The following RAI2 variants were observed in gnomAD, a reference collection of about 807,000 sequenced individuals.
RAI2 encodes the protein retinoic acid induced 2.
A neutral mutation model predicts 15.3 loss-of-function variants in RAI2; 5 were observed. That is an observed-to-expected ratio of 0.33 (90% CI 0.17 to 0.69). The LOEUF (loss-of-function observed/expected upper bound fraction) is 0.69, where lower values mean the gene tolerates loss of function less well. Among genes scored for constraint, RAI2 ranks in the 30% least tolerant of loss-of-function variants. The probability of loss-of-function intolerance (pLI) is 0.69; values close to 1 mark genes in which losing one functional copy is unlikely to be tolerated. For synonymous variants in RAI2, 191 were observed against 184.0 expected (o/e 1.04, Z -0.31); for missense variants, 424 against 424.7 (o/e 1.00, Z 0.01).
chrX:17,815,416 G>C (rs1338392710), intron 1 of RAI2, among the ~76,000 whole-genome samples: 1 of 110,874 alleles, frequency 9.0e-6, no homozygotes, highest in Non-Finnish European at 1.9e-5. Flanking sequence ...AGTCAAGGGG[G>C]ATCCTTAAAT....
In RAI2 at chrX:17,861,158, C is replaced by T. The variant is rs1478252068; in HGVS notation, c.-85G>A. ...GGGTGGTCGAGTGTGCTGGAACTCT[C>T]CGGTCTGGCCTCGCCGCCGGCCGCC... is the stretch of plus-strand genomic sequence containing the variant. On this transcript the variant is annotated 5_prime_UTR_variant, in exon 1 of 2. Coordinates refer to ENST00000451717, the MANE Select transcript of RAI2 (RefSeq NM_021785.6). 1 of 108,092 alleles carries T rather than the reference C, an allele frequency of 9.3e-6. No individual in the cohort carries two copies. The allele number at this position is 108,092 out of a possible 1,213,427, so 8.9% of individuals were successfully genotyped here.
At chrX:17,822,507 A>T (rs1292376748) in intron 1 of RAI2, among the ~76,000 whole-genome samples, 1 of 112,100 alleles carries the variant, frequency 8.9e-6, no homozygotes, top group Non-Finnish European at 1.9e-5. Flanking sequence ...CAACAGCCCC[A>T]TGTGCTGTTT....
At chrX:17,834,433 G>A (rs2067312403) in intron 1 of RAI2, among the ~76,000 whole-genome samples, 1 of 109,786 alleles carries the variant, frequency 9.1e-6, no homozygotes, top group South Asian at 3.9e-4. Flanking sequence ...TCTGGAGCTA[G>A]AAGGAAGAAG....
chrX:17,860,637 G>C (rs2067676167), intron 1 of RAI2: 1 of 112,622 alleles, frequency 8.9e-6, no homozygotes, highest in Admixed American at 9.2e-5. Context: ...ATCTTTCGAA[G>C]GGCCTGGAAG....
At chrX:17,819,884 A>T (rs1458433423) in intron 1 of RAI2, among the ~76,000 whole-genome samples, 1 of 112,708 alleles carries the variant, frequency 8.9e-6, no homozygotes, top group Non-Finnish European at 1.9e-5. Flanking sequence ...ACTGTTTTAT[A>T]GCCTCTTTCA....
At chrX:17,849,260 C>T (rs1171148721) in intron 1 of RAI2, among the ~76,000 whole-genome samples, 1 of 112,653 alleles carries the variant, frequency 8.9e-6, no homozygotes, top group East Asian at 2.8e-4. Context: ...TATTCTAGAG[C>T]TGCTACCAAA....
intron 1 of RAI2, among the ~76,000 whole-genome samples, chrX:17,828,162 CG>C (rs1569350385): frequency 1.8e-5 from 2 of 110,957 alleles, no homozygotes; most frequent in Non-Finnish European, 3.8e-5. Flanking sequence ...AGTAGTGCTA[CG>C]GGTGGGTCAC....
At chrX:17,831,252 G>T (rs1287858289) in intron 1 of RAI2, among the ~76,000 whole-genome samples, 1 of 111,493 alleles carries the variant, frequency 9.0e-6, no homozygotes, top group Non-Finnish European at 1.9e-5. Flanking sequence ...AATATTCAGG[G>T]GGTATTTTTA....
At chrX:17,858,325 GAGA>G (rs2067643439) in intron 1 of RAI2, among the ~76,000 whole-genome samples, 1 of 112,227 alleles carries the variant, frequency 8.9e-6, no homozygotes, top group African/African-American at 3.2e-5. Flanking sequence ...CAGGGTGGCT[GAGA>G]AGGTTTACCA....
At chrX:17,854,109 A>G (rs1164818144) in intron 1 of RAI2, among the ~76,000 whole-genome samples, 2 of 112,309 alleles carry the variant, frequency 1.8e-5, no homozygotes, top group African/African-American at 6.5e-5. Context: ...TTTCCAGAGC[A>G]CAAAAAGCTT....
At chrX:17,848,805 A>G (rs1158041935) in intron 1 of RAI2, among the ~76,000 whole-genome samples, 1 of 112,380 alleles carries the variant, frequency 8.9e-6, no homozygotes, top group Non-Finnish European at 1.9e-5. Flanking sequence ...GAGAACAGCA[A>G]ATTGGACAGC....
chrX:17,821,621 G>C (rs1280554690), intron 1 of RAI2, among the ~76,000 whole-genome samples: 1 of 110,812 alleles, frequency 9.0e-6, no homozygotes, highest in African/African-American at 3.3e-5. Context: ...GGGAGGAGAG[G>C]AGCTAACAAA....
intron 1 of RAI2, among the ~76,000 whole-genome samples, chrX:17,838,727 C>T (rs963249332): frequency 1.2e-4 from 13 of 110,927 alleles, no homozygotes; most frequent in Admixed American, 5.8e-4. Flanking sequence ...CACACACACT[C>T]CATGCCCACC....
At chrX:17,805,332 C>T (rs1267717010) in intron 1 of RAI2, among the ~76,000 whole-genome samples, 5 of 112,943 alleles carry the variant, frequency 4.4e-5, no homozygotes, top group Non-Finnish European at 9.4e-5. Context: ...AGTCATTGAA[C>T]TGTTGTTCTT....
Position 17,800,601 on chromosome X carries a change from T to G in RAI2, c.1410A>C (p.Arg470Ser), listed in dbSNP as rs779050284. The G allele has an allele frequency of 2.5e-6, 3 of 1,211,680 alleles. No homozygotes were observed. Among genetic ancestry groups the G allele is most frequent in the Non-Finnish European group, 3.4e-6 (3 of 895,389 alleles). The stretch of plus-strand genomic sequence containing the variant: ...CATAGCCCTGAAGCACGGAGTCTTC[T>G]CTTTTGAAGGAGAAGTTTTTGGTGG... ...GVSTKNFSFKREDSVLQGYDI... is the reference protein window; with the variant it reads ...GVSTKNFSFKSEDSVLQGYDI... The change falls in exon 2 of 2, where the codon AGA becomes AGC. Residue 470 changes from arginine to serine, a missense_variant. Coordinates refer to ENST00000451717, the MANE Select transcript of RAI2 (RefSeq NM_021785.6).
intron 1 of RAI2, among the ~76,000 whole-genome samples, chrX:17,855,403 T>C (rs934286814): frequency 2.7e-5 from 3 of 111,020 alleles, no homozygotes; most frequent in Non-Finnish European, 5.7e-5. Flanking sequence ...GTGGGGTGGG[T>C]GGGGTCGAGG....
intron 1 of RAI2, among the ~76,000 whole-genome samples, chrX:17,821,962 G>A (rs1321594015): frequency 9.0e-6 from 1 of 111,114 alleles, no homozygotes; most frequent in African/African-American, 3.3e-5. Context: ...ATTATTTGAA[G>A]ACTAATTAGG....
rs1298350703 is a variant in RAI2, at chrX:17,861,201, G to C, written c.-128C>G. 9.0e-6 allele frequency: 1 copy of C among 110,630 alleles called. No individual in the cohort carries two copies. The highest frequency in any genetic ancestry group is 1.9e-5 in the Non-Finnish European group (1 of 53,177). 9.1% of individuals were successfully genotyped at this position (110,630 alleles called of 1,213,427 possible). A position where few individuals can be genotyped will look rare whatever the true frequency, so the allele number is the denominator to read the frequency against. On this transcript the variant is annotated 5_prime_UTR_variant, in exon 1 of 2. Coordinates refer to ENST00000451717, the MANE Select transcript of RAI2 (RefSeq NM_021785.6). ...CGGCCGCCTGAAGGGGGTGCGCCGC[G>C]GTGGGAGCCGCCGTCGCCGCTGTCA...
chrX:17,838,658 GCACA>G (rs35063479), intron 1 of RAI2, among the ~76,000 whole-genome samples: 2,491 of 101,102 alleles, frequency 0.025, 26 homozygotes, highest in South Asian at 0.058. Flanking sequence ...CACACACACA[GCACA>G]CACACACACA....
Sources: allele counts gnomAD v4.1 joint callset (sites outside exome capture counted in the v4.1 genomes callset), GRCh38; gene constraint gnomAD v4.1.1; transcripts MANE v1.5; gene names NCBI Gene and HGNC (gene_info 2026-07-23, HGNC 2026-07-21).